The following LSAMP variants were observed in gnomAD, a reference collection of about 807,000 sequenced individuals.
LSAMP encodes the protein limbic system-associated membrane protein.
LSAMP carries 7 observed loss-of-function variants against 38.6 expected under a neutral mutation model. The observed-to-expected ratio is 0.18, with a 90% CI of 0.10 to 0.34. The LOEUF (loss-of-function observed/expected upper bound fraction) is 0.34, where lower values mean the gene tolerates loss of function less well. Among genes scored for constraint, LSAMP ranks in the 10% least tolerant of loss-of-function variants. LSAMP has a pLI of 1.00. For missense variants in LSAMP, 313 were observed against 420.0 expected (o/e 0.75, Z 2.23); for synonymous variants, 154 against 166.8 (o/e 0.92, Z 0.59).
At chr3:116,106,050 C>A (rs4555515) in intron 1 of LSAMP, among the ~76,000 whole-genome samples, 1 of 151,736 alleles carries the variant, frequency 6.6e-6, no homozygotes, top group Non-Finnish European at 1.5e-5. Flanking sequence ...GGCCTGGATA[C>A]GGTTTTGGAT....
intron 1 of LSAMP, among the ~76,000 whole-genome samples, chr3:116,319,839 A>G (rs1459515993): frequency 6.6e-6 from 1 of 151,694 alleles, no homozygotes; most frequent in African/African-American, 2.4e-5. Flanking sequence ...AGTTTAGCTC[A>G]AAGCAATAGC....
intron 3 of LSAMP, among the ~76,000 whole-genome samples, chr3:115,979,710 A>G (rs1939302917): frequency 1.3e-5 from 2 of 152,126 alleles, no homozygotes; most frequent in African/African-American, 4.8e-5. Context: ...TTGGAGTACT[A>G]TGGTTCCACG....
At chr3:116,003,408 A>T (rs1226923133) in intron 3 of LSAMP, among the ~76,000 whole-genome samples, 1 of 152,204 alleles carries the variant, frequency 6.6e-6, no homozygotes, top group African/African-American at 2.4e-5. Flanking sequence ...TCAATATTGC[A>T]AGAGTTGGAG....
intron 3 of LSAMP, among the ~76,000 whole-genome samples, chr3:115,887,974 A>G (rs1183510678): frequency 6.6e-6 from 1 of 151,958 alleles, no homozygotes; most frequent in Non-Finnish European, 1.5e-5. Flanking sequence ...AGGAGGTCAG[A>G]TCCCCATGTC....
intron 1 of LSAMP, among the ~76,000 whole-genome samples, chr3:116,319,954 C>T (rs1229777563): frequency 2.0e-5 from 3 of 152,016 alleles, no homozygotes; most frequent in Non-Finnish European, 2.9e-5. Flanking sequence ...TTTTTTTCCT[C>T]CTTTAAATGT....
intron 1 of LSAMP, among the ~76,000 whole-genome samples, chr3:116,286,005 G>T (rs1048840093): frequency 2.0e-5 from 3 of 152,182 alleles, no homozygotes; most frequent in Non-Finnish European, 4.4e-5. Flanking sequence ...CAAAGACTGT[G>T]GGGGAGCCAG....
At chr3:116,370,013 T>C (rs1273399855) in intron 1 of LSAMP, 2 of 152,624 alleles carry the variant, frequency 1.3e-5, no homozygotes, top group South Asian at 2.1e-4. Context: ...TTGTCTGTGG[T>C]ATTTTGTTAT....
chr3:116,300,122 G>A (rs781191293), intron 1 of LSAMP, among the ~76,000 whole-genome samples: 1 of 152,288 alleles, frequency 6.6e-6, no homozygotes, highest in Non-Finnish European at 1.5e-5. Context: ...GTTGGGCTCA[G>A]TAAACATTAC....
intron 1 of LSAMP, among the ~76,000 whole-genome samples, chr3:116,196,876 C>T (rs969864739): frequency 6.6e-5 from 10 of 152,330 alleles, no homozygotes; most frequent in East Asian, 1.9e-4. Context: ...TGGGCTCCCA[C>T]TCCTTTATGC....
chr3:116,221,011 G>C (rs372412205), intron 1 of LSAMP, among the ~76,000 whole-genome samples: 1 of 151,890 alleles, frequency 6.6e-6, no homozygotes, highest in Non-Finnish European at 1.5e-5. Flanking sequence ...AAATTAGCCC[G>C]GCGTGGTGGC....
chr3:116,076,836 A>G (rs1707754427), intron 2 of LSAMP, among the ~76,000 whole-genome samples: 1 of 152,028 alleles, frequency 6.6e-6, no homozygotes, highest in Non-Finnish European at 1.5e-5. Context: ...TCATCCTTTC[A>G]ATTTTTGCAT....
chr3:116,202,143 C>CT (rs550107092), intron 1 of LSAMP, among the ~76,000 whole-genome samples: 28,240 of 145,740 alleles, frequency 0.19, 2,724 homozygotes, highest in Admixed American at 0.24. Context: ...CCTTTCTTTT[C>CT]TTTTTTTTTT....
chr3:116,192,030 A>G (rs1003299826), intron 1 of LSAMP, among the ~76,000 whole-genome samples: 2 of 151,752 alleles, frequency 1.3e-5, no homozygotes, highest in African/African-American at 4.8e-5. Flanking sequence ...GGGAAAAAAA[A>G]GAGATAACAA....
At chr3:116,160,188 T>A (rs1709850606) in intron 1 of LSAMP, among the ~76,000 whole-genome samples, 1 of 152,072 alleles carries the variant, frequency 6.6e-6, no homozygotes, top group Non-Finnish European at 1.5e-5. Context: ...TCACTTGAGG[T>A]CAGGAGTTTG....
chr3:116,385,635 C>T (rs1466596204), intron 1 of LSAMP, among the ~76,000 whole-genome samples: 1 of 152,080 alleles, frequency 6.6e-6, no homozygotes, highest in African/African-American at 2.4e-5. Flanking sequence ...TATTAAGAGA[C>T]TCATGATTAT....
chr3:116,306,659 G>T (rs1383057323), intron 1 of LSAMP, among the ~76,000 whole-genome samples: 2 of 151,984 alleles, frequency 1.3e-5, no homozygotes, highest in Non-Finnish European at 2.9e-5. Context: ...TTCCACAGCT[G>T]CAGGGAAAAG....
rs558817915 is a variant in LSAMP at position 116,078,443 on chromosome 3, G to C, written c.388+7881C>G. 6.6e-5 allele frequency among the ~76,000 whole-genome samples: 10 copies of C among 152,040 alleles called. No individual in the cohort carries two copies. In the South Asian group the frequency reaches 1.9e-3, roughly 28 times the overall value. On this transcript the variant is annotated intron_variant, in intron 2 of 6. Transcript: ENST00000490035. Reference sequence around the variant, plus strand: ...GGGTTCACTCCATTATCCTGCCTCAGCCTCCCGAGTAGCTGGGACTACAGG... The same window carrying C: ...GGGTTCACTCCATTATCCTGCCTCACCCTCCCGAGTAGCTGGGACTACAGG...
At chr3:115,910,923 TA>T (rs1381466479) in intron 3 of LSAMP, among the ~76,000 whole-genome samples, 1 of 152,206 alleles carries the variant, frequency 6.6e-6, no homozygotes, top group African/African-American at 2.4e-5. Context: ...AGGGTGACTA[TA>T]CTTAACAATG....
At chr3:115,951,434 A>C (rs895964263) in intron 3 of LSAMP, among the ~76,000 whole-genome samples, 1 of 152,186 alleles carries the variant, frequency 6.6e-6, no homozygotes, top group African/African-American at 2.4e-5. Context: ...CAAGAAAAAA[A>C]ATAGTCCCAT....
Sources: allele counts gnomAD v4.1 joint callset (sites outside exome capture counted in the v4.1 genomes callset), GRCh38; gene constraint gnomAD v4.1.1; transcripts MANE v1.5; gene names NCBI Gene and HGNC (gene_info 2026-07-23, HGNC 2026-07-21).